Variants in ZNF3 observed in about 807,000 individuals in gnomAD.
The protein encoded by ZNF3 is C2-H2 type zinc finger protein.
A neutral mutation model predicts 36.9 loss-of-function variants in ZNF3; 16 were observed. The observed-to-expected ratio is 0.43, with a 90% CI of 0.29 to 0.66. The LOEUF is 0.66. Ranked by LOEUF, ZNF3 falls within the 30% of genes least tolerant of loss-of-function variation. ZNF3 has a pLI of 0.13. For missense variants in ZNF3, 462 were observed against 543.1 expected (o/e 0.85, Z 1.48); for synonymous variants, 201 against 201.9 (o/e 1.00, Z 0.04).
Position 100,071,273 on chromosome 7 carries a change from G to C in ZNF3, c.1211C>G (p.Ala404Gly), listed in dbSNP as rs1793095262. Reference protein sequence around the residue: ...NPYECSECGKAFRYSSALVRH... With the variant: ...NPYECSECGKGFRYSSALVRH... The stretch of plus-strand genomic sequence containing the variant: ...AACAAGAGCCGAGCTGTACCTGAAG[G>C]CTTTCCCACACTCACTACATTCATA... Residue 404 changes from alanine (A) to glycine (G), a missense_variant, in exon 6 of 6, where the codon GCC becomes GGC. Physicochemically the swap from Ala to Gly is moderately conservative, Grantham distance 60. Transcript: ENST00000299667. 1 of 1,614,136 alleles carries C rather than the reference G, an allele frequency of 6.2e-7. No homozygotes were observed. The highest frequency in any genetic ancestry group is 1.3e-5 in the African/African-American group (1 of 74,946).
In ZNF3 at chr7:100,081,392, T is replaced by G. The variant is rs1229975108; in HGVS notation, c.-198+243A>C. 6.6e-6 allele frequency among the ~76,000 whole-genome samples: 1 copy of G among 152,124 alleles called. No individual in the cohort carries two copies. The highest frequency in any genetic ancestry group is 2.4e-5 in the African/African-American group (1 of 41,436). ...TTTAAACGCTCCAGCTGGGTCGCCG[T>G]TAAAGTCACAAAACCAGAACCGGAG... On this transcript the variant is annotated intron_variant, in intron 1 of 5. Coordinates refer to ENST00000299667, the MANE Select transcript of ZNF3 (RefSeq NM_032924.5). The surrounding 1 kb of genome is among the most constrained non-coding windows in gnomAD (Gnocchi z 4.3).
At chr7:100,067,432 T>C (rs1473509577), downstream of ZNF3, among the ~76,000 whole-genome samples, 1 of 152,188 alleles carries the variant, frequency 6.6e-6, no homozygotes, top group Non-Finnish European at 1.5e-5. Flanking sequence ...TCGCCAAGTA[T>C]TGGATTTTTT....
At chr7:100,069,894 T>G, downstream of ZNF3, 5 of 965,440 alleles carry the variant, frequency 5.2e-6, no homozygotes, top group South Asian at 4.8e-5. Context: ...ATTACAGGCA[T>G]GAGCCACTGC....
rs781693700 is a variant in ZNF3, at chr7:100,071,792, T to C, written c.692A>G (p.Asn231Ser). Reference sequence around the variant, plus strand: ...CTGGCTGAAGGCCTTCCCACACTCATTACATTCATAGGGCTTTTCCCCAGT... The same window carrying C: ...CTGGCTGAAGGCCTTCCCACACTCACTACATTCATAGGGCTTTTCCCCAGT... ...IHTGEKPYECNECGKAFSQSS... is the reference protein window; with the variant it reads ...IHTGEKPYECSECGKAFSQSS... The change falls in exon 6 of 6, where the codon AAT (asparagine) becomes AGT (serine). Residue 231 changes from asparagine to serine, a missense_variant. Transcript: ENST00000299667. The C allele has an allele frequency of 6.2e-7, 1 of 1,613,828 alleles. No individual in the cohort carries two copies. Among genetic ancestry groups the C allele is most frequent in the East Asian group, 2.2e-5 (1 of 44,864 alleles).
chr7:100,064,869 T>C (rs1792561409), exon 6 of ZNF3: 1 of 1,609,894 alleles, frequency 6.2e-7, no homozygotes, highest in South Asian at 1.1e-5. Flanking sequence ...CAGTAAGCCA[T>C]GCCAGCATTA....
At chr7:100,079,411 C>G (rs906667216) in intron 2 of ZNF3, 125 bp downstream of exon 2, 7 of 152,274 alleles carry the variant, frequency 4.6e-5, no homozygotes, top group Admixed American at 4.6e-4. Flanking sequence ...CTCCATTGTG[C>G]CCCCATGGCT....
chr7:100,072,278 A>G, intron 5 of ZNF3, 66 bp from the exon 6 acceptor site: 1 of 1,391,594 alleles, frequency 7.2e-7, no homozygotes, highest in South Asian at 1.4e-5. Flanking sequence ...ATCACAGGAC[A>G]GGATCATTGT....
At chr7:100,064,113 G>T (rs570317662) in exon 6 of ZNF3, 22 of 1,614,014 alleles carry the variant, frequency 1.4e-5, no homozygotes, top group Non-Finnish European at 1.8e-5. Context: ...AACCTTACGT[G>T]TGCACCAAGT....
In ZNF3 at chr7:100,081,099, G is replaced by A. The variant is rs1187158018; in HGVS notation, c.-198+536C>T. On this transcript the variant is annotated intron_variant, in intron 1 of 5. Transcript: ENST00000299667. The surrounding 1 kb of genome is among the most constrained non-coding windows in gnomAD (Gnocchi z 4.3). ...ACAACTGAAAACGGAGCCTGAGCCA[G>A]GTGTATCACGCGATGCACTGGGCTC... Among the ~76,000 whole-genome samples the A allele has an allele frequency of 6.6e-6, 1 of 152,192 alleles. No homozygotes were observed. The highest frequency in any genetic ancestry group is 1.5e-5 in the Non-Finnish European group (1 of 68,030).
chr7:100,072,728 G>A (rs908304605), intron 5 of ZNF3, among the ~76,000 whole-genome samples: 7 of 152,126 alleles, frequency 4.6e-5, no homozygotes, highest in East Asian at 1.9e-4. Flanking sequence ...CTGTCGTCAC[G>A]CCACAAATGC....
chr7:100,064,845 C>T (rs371045056), exon 6 of ZNF3: 4 of 1,613,992 alleles, frequency 2.5e-6, no homozygotes, highest in East Asian at 2.2e-5. Context: ...GTCCCTTCGC[C>T]ACACTTAGGG....
downstream of ZNF3, among the ~76,000 whole-genome samples, chr7:100,067,082 A>G (rs1218685597): frequency 6.6e-6 from 1 of 152,106 alleles, no homozygotes; most frequent in Non-Finnish European, 1.5e-5. Flanking sequence ...GTTGCCCATC[A>G]TGGTAATTGT....
Position 100,070,586 on chromosome 7 carries a change from T to C in ZNF3, c.*557A>G. On this transcript the variant is annotated 3_prime_UTR_variant, in exon 6 of 6. Transcript: ENST00000299667. The stretch of plus-strand genomic sequence containing the variant: ...TAAAGGACACCATCATCACAGATGA[T>C]GATTCTGGAATCTCTTCTACCCTCA... The C allele has an allele frequency of 1.0e-6, 1 of 986,940 alleles. No individual in the cohort carries two copies. The highest frequency in any genetic ancestry group is 1.2e-6 in the Non-Finnish European group (1 of 830,916). The allele number at this position is 986,940 out of a possible 1,614,324, so 61.1% of individuals were successfully genotyped here.
chr7:100,067,624 ACTC>A (rs1187006275), downstream of ZNF3, among the ~76,000 whole-genome samples: 1 of 150,634 alleles, frequency 6.6e-6, no homozygotes, highest in Non-Finnish European at 1.5e-5. Flanking sequence ...CTGGGCTTGA[ACTC>A]CTGAGTTCAA....
chr7:100,069,944 C>T, downstream of ZNF3: 1 of 985,790 alleles, frequency 1.0e-6, no homozygotes. Flanking sequence ...AATATATGGT[C>T]CAAACATTGC....
chr7:100,066,783 C>A (rs1054255376), downstream of ZNF3, among the ~76,000 whole-genome samples: 18 of 151,938 alleles, frequency 1.2e-4, no homozygotes, highest in African/African-American at 3.9e-4. Context: ...GCCTGTAATC[C>A]CAACACTTTG....
chr7:100,067,509 G>T (rs993756888), downstream of ZNF3, among the ~76,000 whole-genome samples: 1 of 152,022 alleles, frequency 6.6e-6, no homozygotes, highest in South Asian at 2.1e-4. Flanking sequence ...GGCTCAAGCA[G>T]TCCTCCCATC....
rs1793949982 is a variant in ZNF3, at chr7:100,075,560, G to A, written c.126C>T (p.Leu42=). Residue 42 remains leucine (L), a synonymous_variant, in exon 4 of 6, where the codon CTC becomes CTT. Coordinates refer to ENST00000299667, the MANE Select transcript of ZNF3 (RefSeq NM_032924.5). Reference sequence around the variant, plus strand: ...AGCTCACCTGGGACTTGGCCTTTAGGAGCGCAGCCGCCAACATCTCATCCC... The same window carrying A: ...AGCTCACCTGGGACTTGGCCTTTAGAAGCGCAGCCGCCAACATCTCATCCC... ...SLGDEMLAAA[L]LKAKSQELVT... 1.2e-6 allele frequency: 2 copies of A among 1,614,032 alleles called. No homozygotes were observed. The highest frequency in any genetic ancestry group is 1.6e-4 in the Middle Eastern group (1 of 6,084).
chr7:100,069,855 T>C (rs761798213), downstream of ZNF3: 14 of 790,284 alleles, frequency 1.8e-5, no homozygotes, highest in Non-Finnish European at 2.0e-5. Flanking sequence ...TCAGGTGATC[T>C]GCCTGCCTTG....
Sources: gnomAD v4.1 joint callset for allele counts (sites outside exome capture counted in the v4.1 genomes callset) on GRCh38, gnomAD v4.1.1 for gene constraint, Gnocchi (gnomAD v3.1) non-coding constraint, MANE v1.5 for transcripts, NCBI Gene and HGNC (gene_info 2026-07-23, HGNC 2026-07-21) for gene names.